The following SV2B variants were observed in gnomAD, a reference collection of about 807,000 sequenced individuals.
SV2B encodes solute carrier family 22 member B2.
Under a neutral mutation model 73.9 loss-of-function variants are expected in SV2B, and 41 were observed. The ratio of observed to expected loss-of-function variants is 0.56; its 90% confidence interval spans 0.43 to 0.72. The LOEUF (loss-of-function observed/expected upper bound fraction) is 0.72, where lower values mean the gene tolerates loss of function less well. SV2B is among the 30% of genes least tolerant of loss of function. The pLI, the probability that SV2B is intolerant of heterozygous loss-of-function variation, is 0.00. For missense variants in SV2B, 764 were observed against 857.8 expected, an observed-to-expected ratio of 0.89 and a Z score of 1.37; for synonymous variants, 314 against 314.2, an observed-to-expected ratio of 1.00 and a Z score of 0.01.
At position 91,106,983 on chromosome 15, in the gene SV2B, G is replaced by A. The variant is rs922690668; in HGVS notation, c.-392+6620G>A. 2.0e-5 allele frequency among the ~76,000 whole-genome samples: 3 copies of A among 152,162 alleles called. No homozygotes were observed. The highest frequency in any genetic ancestry group is 4.4e-5 in the Non-Finnish European group (3 of 68,032). On this transcript the variant is annotated intron_variant, in intron 1 of 12. Transcript: ENST00000394232. The surrounding 1 kb of genome is among the most constrained non-coding windows in gnomAD (Gnocchi z 4.4). ...TGTGGGTGCTGTCCATTTTCTTCTCGTGGTGTGTCTGATTCTATATAAGTT... is the reference window on the plus strand; with the variant it reads ...TGTGGGTGCTGTCCATTTTCTTCTCATGGTGTGTCTGATTCTATATAAGTT...
intron 11 of SV2B, among the ~76,000 whole-genome samples, chr15:91,285,405 G>A (rs1394646073): frequency 6.6e-6 from 1 of 152,178 alleles, no homozygotes; most frequent in Non-Finnish European, 1.5e-5. Flanking sequence ...CGTGTCCAGC[G>A]CAGTGCCTGC....
At chr15:91,276,582 G>C (rs896938743) in intron 9 of SV2B, among the ~76,000 whole-genome samples, 11 of 151,648 alleles carry the variant, frequency 7.3e-5, no homozygotes, top group Admixed American at 2.0e-4. Context: ...TTTTTGCCAT[G>C]ATGAGCCTAA....
chr15:91,141,664 G>T lies in SV2B; in HGVS notation c.-392+41301G>T, dbSNP rs536847576. On this transcript the variant is annotated intron_variant, in intron 1 of 12. Coordinates refer to ENST00000394232, the MANE Select transcript of SV2B (RefSeq NM_001323032.3). The surrounding 1 kb of genome is among the most constrained non-coding windows in gnomAD (Gnocchi z 4.6). Reference sequence around the variant, plus strand: ...GCCTATTGCCTGGCACACAGTGAATGCTTAATAAATCATTCATATTATTAT... The same window carrying T: ...GCCTATTGCCTGGCACACAGTGAATTCTTAATAAATCATTCATATTATTAT... 6.0e-4 allele frequency among the ~76,000 whole-genome samples: 91 copies of T among 152,046 alleles called. No homozygotes were observed. The highest frequency in any genetic ancestry group is 2.1e-3 in the African/African-American group (89 of 41,442).
Position 91,265,235 on chromosome 15 carries a change from A to G in SV2B, c.1009-1347A>G, listed in dbSNP as rs1596733569. 6.6e-6 allele frequency among the ~76,000 whole-genome samples: 1 copy of G among 152,186 alleles called. No homozygotes were observed. The highest frequency in any genetic ancestry group is 6.5e-5 in the Admixed American group (1 of 15,284). ...AGTTGATGCCCATGCCGTGAGCTCT[A>G]GGTTTTACCAGCCCTGTTGGCTGCC... is the stretch of plus-strand genomic sequence containing the variant. On this transcript the variant is annotated intron_variant, in intron 6 of 12. Transcript: ENST00000394232. The surrounding 1 kb of genome is among the most constrained non-coding windows in gnomAD (Gnocchi z 4.2).
chr15:91,165,714 C>A (rs2043890524), intron 1 of SV2B, among the ~76,000 whole-genome samples: 1 of 152,208 alleles, frequency 6.6e-6, no homozygotes, highest in Admixed American at 6.5e-5. Context: ...CTTCCATTTT[C>A]TTCTGCTTAT....
chr15:91,257,823 G>A (rs965602441), intron 4 of SV2B, among the ~76,000 whole-genome samples: 2 of 152,164 alleles, frequency 1.3e-5, no homozygotes, highest in African/African-American at 4.8e-5. Context: ...TGCTCTGGGT[G>A]CTCAGGACCC....
At position 91,284,914 on chromosome 15, in the gene SV2B, A is replaced by G. The variant is rs186517672; in HGVS notation, c.1708+693A>G. The stretch of plus-strand genomic sequence containing the variant: ...TACAGAAACACATGCCATGAATGGT[A>G]AACAAGAAGCAAAATGTACAGATTG... On this transcript the variant is annotated intron_variant, in intron 11 of 12. Transcript: ENST00000394232. The surrounding 1 kb of genome is among the most constrained non-coding windows in gnomAD (Gnocchi z 4.5). Among the ~76,000 whole-genome samples the G allele has an allele frequency of 6.6e-6, 1 of 152,342 alleles. No homozygotes were observed.
rs917910130 is a variant in SV2B, at chr15:91,293,830, T to C, written c.*1278T>C. The stretch of plus-strand genomic sequence containing the variant: ...TTGGAGTGGGAGTTAGGGAGTGTAG[T>C]GGATGCCAAATATGTTTTTCTTCAG... On this transcript the variant is annotated 3_prime_UTR_variant, in exon 13 of 13. Coordinates refer to ENST00000394232, the MANE Select transcript of SV2B (RefSeq NM_001323032.3). 2.0e-5 allele frequency: 3 copies of C among 152,210 alleles called. No individual in the cohort carries two copies. 9.4% of individuals were successfully genotyped at this position (152,210 alleles called of 1,614,324 possible). A position where few individuals can be genotyped will look rare whatever the true frequency, so the allele number is the denominator to read the frequency against.
chr15:91,162,335 C>T (rs1256027619), intron 1 of SV2B, among the ~76,000 whole-genome samples: 1 of 151,902 alleles, frequency 6.6e-6, no homozygotes, highest in Non-Finnish European at 1.5e-5. Flanking sequence ...GAAGTAGGAG[C>T]CAGATGAATT....
chr15:91,148,330 C>G (rs1219870660), intron 1 of SV2B, among the ~76,000 whole-genome samples: 2 of 152,238 alleles, frequency 1.3e-5, no homozygotes, highest in East Asian at 3.9e-4. Context: ...CTCTGCCTCT[C>G]TGAGACTTTT....
chr15:91,211,055 G>T (rs2141424772), intron 1 of SV2B, among the ~76,000 whole-genome samples: 1 of 152,338 alleles, frequency 6.6e-6, no homozygotes, highest in East Asian at 1.9e-4. Context: ...GACCAGAAAA[G>T]GAGAAAATGA....
intron 2 of SV2B, among the ~76,000 whole-genome samples, chr15:91,233,662 T>C (rs970799374): frequency 5.3e-5 from 8 of 149,730 alleles, no homozygotes; most frequent in African/African-American, 1.5e-4. Context: ...TTCTGATGAG[T>C]CTTCTTTGCC....
At chr15:91,189,160 A>G in intron 1 of SV2B, among the ~76,000 whole-genome samples, 1 of 150,030 alleles carries the variant, frequency 6.7e-6, no homozygotes, top group Admixed American at 6.6e-5. Context: ...TCCAAATGTC[A>G]TTTTTTTTTC....
chr15:91,163,180 T>C (rs1774896105), intron 1 of SV2B, among the ~76,000 whole-genome samples: 1 of 152,212 alleles, frequency 6.6e-6, no homozygotes, highest in South Asian at 2.1e-4. Flanking sequence ...ACATTTTGGG[T>C]TGTTTCCAAG....
intron 1 of SV2B, among the ~76,000 whole-genome samples, chr15:91,180,333 C>G (rs944796272): frequency 1.3e-5 from 2 of 151,952 alleles, no homozygotes; most frequent in African/African-American, 2.4e-5. Context: ...AACATTTTTT[C>G]CTTCATTTCA....
chr15:91,176,144 G>GT (rs1312329331), intron 1 of SV2B, among the ~76,000 whole-genome samples: 3 of 151,554 alleles, frequency 2.0e-5, no homozygotes, highest in Admixed American at 1.3e-4. Flanking sequence ...GCGGTGTTTG[G>GT]TTTTTTGTCC....
Position 91,121,763 on chromosome 15 carries a change from T to C in SV2B, c.-392+21400T>C, listed in dbSNP as rs1482840779. On this transcript the variant is annotated intron_variant, in intron 1 of 12. Coordinates refer to ENST00000394232, the MANE Select transcript of SV2B (RefSeq NM_001323032.3). This position sits in a 1 kb window ranked among gnomAD's most constrained non-coding sequence, Gnocchi z 4.4. ...CGCTCACCTCAAGAAACCATCTATT[T>C]ATATATTAATAGTGTTTTTTTTTTT... is the stretch of plus-strand genomic sequence containing the variant. Among the ~76,000 whole-genome samples the C allele has an allele frequency of 1.3e-5, 2 of 151,096 alleles. No individual in the cohort carries two copies. The highest frequency in any genetic ancestry group is 2.9e-5 in the Non-Finnish European group (2 of 67,926).
chr15:91,189,406 C>A (rs1161942349), intron 1 of SV2B, among the ~76,000 whole-genome samples: 1 of 151,974 alleles, frequency 6.6e-6, no homozygotes, highest in Non-Finnish European at 1.5e-5. Context: ...AATGGCATTG[C>A]ACCGTGGTTT....
At position 91,187,098 on chromosome 15, in the gene SV2B, C is replaced by T. The variant is rs564735287; in HGVS notation, c.-391-38775C>T. Among the ~76,000 whole-genome samples the T allele has an allele frequency of 2.6e-5, 4 of 152,210 alleles. No individual in the cohort carries two copies. The South Asian group carries it at 6.2e-4, about 24-fold the overall frequency. ...CACAAGGCGTACTTTTAAGAAAAAC[C>T]GGCAGGCAGTAACATTTCACGGGTG... is the stretch of plus-strand genomic sequence containing the variant. On this transcript the variant is annotated intron_variant, in intron 1 of 12. Coordinates refer to ENST00000394232, the MANE Select transcript of SV2B (RefSeq NM_001323032.3).
Sources: allele counts gnomAD v4.1 joint callset (sites outside exome capture counted in the v4.1 genomes callset), GRCh38; gene constraint gnomAD v4.1.1; non-coding constraint Gnocchi (gnomAD v3.1); transcripts MANE v1.5; gene names NCBI Gene and HGNC (gene_info 2026-07-23, HGNC 2026-07-21).